Variants in CRPPA observed in about 807,000 individuals in gnomAD.
The protein encoded by CRPPA is CDP-L-ribitol pyrophosphorylase A.
CRPPA carries 43 observed loss-of-function variants against 52.0 expected under a neutral mutation model. The observed-to-expected ratio is 0.83, with a 90% CI of 0.65 to 1.07. The LOEUF (loss-of-function observed/expected upper bound fraction) is 1.07, where lower values mean the gene tolerates loss of function less well. Ranked by LOEUF, CRPPA falls within the 50% of genes least tolerant of loss-of-function variation. CRPPA has a pLI of 0.00. For synonymous variants in CRPPA, 250 were observed against 203.5 expected, an observed-to-expected ratio of 1.23 and a Z score of -1.94; for missense variants, 629 against 551.7, an observed-to-expected ratio of 1.14 and a Z score of -1.40.
intron 9 of CRPPA, among the ~76,000 whole-genome samples, chr7:16,215,104 A>T (rs1782268392): frequency 6.6e-6 from 1 of 152,244 alleles, no homozygotes; most frequent in Admixed American, 6.5e-5. Context: ...GTATAGTTTC[A>T]GAAGAAATGT....
At chr7:16,319,867 G>C (rs944988388) in intron 3 of CRPPA, among the ~76,000 whole-genome samples, 1 of 152,176 alleles carries the variant, frequency 6.6e-6, no homozygotes, top group Non-Finnish European at 1.5e-5. Context: ...AGGAGATTTA[G>C]AGATCAGACT....
At chr7:16,130,781 G>A (rs1360138342) in intron 9 of CRPPA, among the ~76,000 whole-genome samples, 1 of 152,198 alleles carries the variant, frequency 6.6e-6, no homozygotes, top group Non-Finnish European at 1.5e-5. Context: ...TCTGTAGACT[G>A]AATATCTGTG....
chr7:16,255,365 C>A lies in CRPPA; in HGVS notation c.1119+3025G>T, dbSNP rs541382384. On this transcript the variant is annotated intron_variant, in intron 8 of 9. Transcript: ENST00000407010. ...CAACATTGTGAAAATGGCCATGCTG[C>A]CCAAAGTAATTTATAGATTCAGTGC... 2.6e-5 allele frequency among the ~76,000 whole-genome samples: 4 copies of A among 152,238 alleles called. No individual in the cohort carries two copies. The South Asian group carries it at 8.3e-4, about 32-fold the overall frequency.
intron 9 of CRPPA, among the ~76,000 whole-genome samples, chr7:16,094,649 G>T (rs1781900979): frequency 1.3e-5 from 2 of 151,912 alleles, no homozygotes; most frequent in East Asian, 1.9e-4. Context: ...CATTTAAAAT[G>T]TTTATTAAAC....
chr7:16,416,835 C>T (rs538443360), intron 1 of CRPPA, among the ~76,000 whole-genome samples: 4 of 151,786 alleles, frequency 2.6e-5, no homozygotes, highest in East Asian at 3.9e-4. Flanking sequence ...CAGTGAGACC[C>T]TATCTCCAAA....
intron 8 of CRPPA, among the ~76,000 whole-genome samples, chr7:16,232,356 G>T (rs1457723791): frequency 6.6e-6 from 1 of 152,134 alleles, no homozygotes; most frequent in Admixed American, 6.5e-5. Flanking sequence ...CTTTATCATG[G>T]GAATGGATTA....
intron 3 of CRPPA, among the ~76,000 whole-genome samples, chr7:16,313,215 G>A (rs972064711): frequency 1.3e-5 from 2 of 151,822 alleles, no homozygotes; most frequent in African/African-American, 4.8e-5. Flanking sequence ...TCATATATTA[G>A]GTGGTTAATT....
chr7:16,196,886 A>G (rs1032835702), intron 9 of CRPPA, among the ~76,000 whole-genome samples: 2 of 152,216 alleles, frequency 1.3e-5, no homozygotes, highest in African/African-American at 4.8e-5. Context: ...ATGTGTTTTC[A>G]TAACCTAATG....
intron 9 of CRPPA, among the ~76,000 whole-genome samples, chr7:16,184,312 A>G (rs1294303723): frequency 1.3e-5 from 2 of 152,176 alleles, no homozygotes; most frequent in African/African-American, 4.8e-5. Flanking sequence ...GTAAATTTTT[A>G]TAAATGCATT....
At chr7:16,199,458 T>C (rs1035719367) in intron 9 of CRPPA, among the ~76,000 whole-genome samples, 4 of 152,176 alleles carry the variant, frequency 2.6e-5, no homozygotes, top group Non-Finnish European at 5.9e-5. Context: ...CCCAATAAAA[T>C]GGATAATAAA....
intron 9 of CRPPA, among the ~76,000 whole-genome samples, chr7:16,115,611 A>C (rs748370543): frequency 8.5e-5 from 13 of 152,204 alleles, no homozygotes; most frequent in Non-Finnish European, 1.6e-4. Context: ...CAATTTTTAA[A>C]AAAAGAAATT....
intron 8 of CRPPA, among the ~76,000 whole-genome samples, chr7:16,247,066 T>C (rs1352207043): frequency 6.6e-6 from 1 of 152,266 alleles, no homozygotes; most frequent in African/African-American, 2.4e-5. Context: ...GCTATGTTCA[T>C]CAATTATCTC....
At chr7:16,418,385 A>G (rs966560514) in intron 1 of CRPPA, among the ~76,000 whole-genome samples, 6 of 152,236 alleles carry the variant, frequency 3.9e-5, no homozygotes, top group Non-Finnish European at 7.3e-5. Flanking sequence ...TTTTCCATAA[A>G]CAAGGCCTTT....
chr7:16,185,305 A>T (rs1257197072), intron 9 of CRPPA, among the ~76,000 whole-genome samples: 1 of 152,132 alleles, frequency 6.6e-6, no homozygotes, highest in Non-Finnish European at 1.5e-5. Flanking sequence ...CTACCATGAG[A>T]ACAGTATGGG....
intron 9 of CRPPA, among the ~76,000 whole-genome samples, chr7:16,144,191 C>T (rs1217729050): frequency 6.6e-6 from 1 of 152,150 alleles, no homozygotes; most frequent in Admixed American, 6.5e-5. Context: ...CAGGCTCCAG[C>T]CCCACTCCTC....
intron 6 of CRPPA, 110 bp from the exon 7 acceptor site, chr7:16,259,122 A>G (rs939907602): frequency 1.3e-5 from 7 of 541,382 alleles, no homozygotes; most frequent in African/African-American, 4.8e-5. Context: ...CAAGGACCAT[A>G]TATTTTTTAA....
intron 3 of CRPPA, among the ~76,000 whole-genome samples, chr7:16,359,762 A>G (rs565379458): frequency 1.2e-4 from 18 of 152,318 alleles, no homozygotes; most frequent in African/African-American, 4.1e-4. Context: ...TTATGAGATA[A>G]TAAGTCTTAT....
chr7:16,169,415 T>A (rs148766215), intron 9 of CRPPA, among the ~76,000 whole-genome samples: 5 of 152,312 alleles, frequency 3.3e-5, no homozygotes, highest in African/African-American at 1.2e-4. Flanking sequence ...CAATTAAACA[T>A]TGCTAATCAT....
intron 3 of CRPPA, among the ~76,000 whole-genome samples, chr7:16,353,998 A>C (rs1440556010): frequency 6.6e-6 from 1 of 152,184 alleles, no homozygotes; most frequent in Non-Finnish European, 1.5e-5. Context: ...ACAATTATCA[A>C]AAAAATAACC....
Sources: gnomAD v4.1 joint callset for allele counts (sites outside exome capture counted in the v4.1 genomes callset) on GRCh38, gnomAD v4.1.1 for gene constraint, MANE v1.5 for transcripts, NCBI Gene and HGNC (gene_info 2026-07-23, HGNC 2026-07-21) for gene names.